The following MYO1B variants were observed in gnomAD, a reference collection of about 807,000 sequenced individuals.
The protein encoded by MYO1B is myosin IB.
MYO1B carries 72 observed loss-of-function variants against 159.7 expected under a neutral mutation model. The ratio of observed to expected loss-of-function variants is 0.45; its 90% CI spans 0.37 to 0.55. The LOEUF (loss-of-function observed/expected upper bound fraction) is 0.55. Ranked by LOEUF, MYO1B falls within the 20% of genes least tolerant of loss-of-function variation. The pLI, the probability that MYO1B is intolerant of heterozygous loss-of-function variation, is 0.00. For synonymous variants in MYO1B, 468 were observed against 473.8 expected, an observed-to-expected ratio of 0.99 and a Z score of 0.16; for missense variants, 1,062 against 1,364.8, an observed-to-expected ratio of 0.78 and a Z score of 3.50.
chr2:191,295,968 C>A, intron 2 of MYO1B, 143 bp from the exon 3 acceptor site: 1 of 376,160 alleles, frequency 2.7e-6, no homozygotes, highest in Non-Finnish European at 4.8e-6. Flanking sequence ...AGATGCAAAG[C>A]ATTCTTAAAA....
At chr2:191,409,539 G>A (rs1410741907) in intron 26 of MYO1B, among the ~76,000 whole-genome samples, 1 of 152,172 alleles carries the variant, frequency 6.6e-6, no homozygotes, top group East Asian at 1.9e-4. Flanking sequence ...GACACCTTCA[G>A]GCAACATAGT....
intron 20 of MYO1B, among the ~76,000 whole-genome samples, chr2:191,395,198 T>C (rs1444377701): frequency 6.6e-6 from 1 of 152,212 alleles, no homozygotes; most frequent in Non-Finnish European, 1.5e-5. Context: ...GATGGTCAGA[T>C]ACTGTAGCTG....
rs1207530548 is a variant in MYO1B, at chr2:191,383,469, TATATACACAC to T, written c.1353+129_1353+138del. 14 of 20,920 alleles carry T rather than the reference TATATACACAC, an allele frequency of 6.7e-4. 1 individual carries two copies. The highest frequency in any genetic ancestry group is 7.4e-3 in the East Asian group (2 of 272). The allele number at this position is 20,920 out of a possible 1,614,324, so 1.3% of individuals were successfully genotyped here. On this transcript the variant is annotated intron_variant, in intron 15 of 30. Coordinates refer to ENST00000392318, the MANE Select transcript of MYO1B (RefSeq NM_001130158.3). ...TTTTTTATATATATATATATATATA[TATATACACAC>T]ACACATATATATGTGTATATATATA...
intron 1 of MYO1B, among the ~76,000 whole-genome samples, chr2:191,261,830 T>TA (rs1686829796): frequency 6.6e-6 from 1 of 152,130 alleles, no homozygotes. Context: ...ACAGTGGACA[T>TA]ATACTCAAAG....
intron 1 of MYO1B, among the ~76,000 whole-genome samples, chr2:191,264,221 A>G (rs1442874198): frequency 6.6e-6 from 1 of 152,176 alleles, no homozygotes; most frequent in Non-Finnish European, 1.5e-5. Context: ...GGAACATCTT[A>G]GCTATTTTTG....
intron 21 of MYO1B, among the ~76,000 whole-genome samples, chr2:191,398,339 G>GGGGCTCCTCACTTCCCAGTA (rs1696315162): frequency 8.1e-6 from 1 of 123,286 alleles, no homozygotes; most frequent in Middle Eastern, 3.6e-3. Context: ...GCCGGGCAGG[G>GGGGCTCCTCACTTCCCAGTA]GGGCTCCTCA....
chr2:191,381,408 T>C lies in MYO1B; in HGVS notation c.1186-54T>C, dbSNP rs138395399. The C allele has an allele frequency of 6.7e-5, 83 of 1,242,180 alleles. No homozygotes were observed. The African/African-American group carries it at 1.1e-3, about 17-fold the overall frequency. 76.9% of individuals were successfully genotyped at this position (1,242,180 alleles called of 1,614,324 possible). A position where few individuals can be genotyped will look rare whatever the true frequency, so the allele number is the denominator to read the frequency against. The stretch of plus-strand genomic sequence containing the variant: ...ATTGAGATGTCTGAGTGTCATTGTT[T>C]TGAGAGAGCTAGTGGCATGGTTTAT... On this transcript the variant is annotated intron_variant, in intron 13 of 30. Coordinates refer to ENST00000392318, the MANE Select transcript of MYO1B (RefSeq NM_001130158.3).
chr2:191,414,818 A>C, intron 29 of MYO1B, 149 bp downstream of exon 29: 1 of 707,806 alleles, frequency 1.4e-6, no homozygotes, highest in Non-Finnish European at 2.1e-6. Context: ...TCTCCGACTC[A>C]GTTTTTCAGT....
At chr2:191,350,696 A>C (rs1263643033) in intron 7 of MYO1B, among the ~76,000 whole-genome samples, 3 of 152,094 alleles carry the variant, frequency 2.0e-5, no homozygotes, top group Admixed American at 2.0e-4. Context: ...CTTCTCTTCC[A>C]GTGTATTTAA....
chr2:191,360,751 G>GTTGTTGT lies in MYO1B; in HGVS notation c.661+23_661+24insTGTTGTT, dbSNP rs1553552026. On this transcript the variant is annotated intron_variant, in intron 8 of 30. Coordinates refer to ENST00000392318, the MANE Select transcript of MYO1B (RefSeq NM_001130158.3). ...CTCAGTAAGTCTCTGTTTCTATGTG[G>GTTGTTGT]TGTTGTTGTTGTTGTTGTTGTTGTT... is the stretch of plus-strand genomic sequence containing the variant. 5.0e-3 allele frequency: 5,563 copies of GTTGTTGT among 1,118,070 alleles called. 39 individuals carry two copies. Among genetic ancestry groups the GTTGTTGT allele is most frequent in the Middle Eastern group, 0.011 (52 of 4,648 alleles). 69.3% of individuals were successfully genotyped at this position (1,118,070 alleles called of 1,614,324 possible).
Position 191,394,754 on chromosome 2 carries a change from A to G in MYO1B, c.2226+1532A>G, listed in dbSNP as rs569660206. Among the ~76,000 whole-genome samples the G allele has an allele frequency of 6.3e-4, 96 of 152,318 alleles. 1 individual carries two copies. Among genetic ancestry groups the G allele is most frequent in the Non-Finnish European group, 1.1e-3 (75 of 68,018 alleles). ...GCAATGCAAAGGAAGCTCAAGTACT[A>G]TTTGTACCTTTTCTCCCAATATAAA... On this transcript the variant is annotated intron_variant, in intron 20 of 30. Coordinates refer to ENST00000392318, the MANE Select transcript of MYO1B (RefSeq NM_001130158.3).
At chr2:191,305,972 C>G (rs767843239) in intron 3 of MYO1B, among the ~76,000 whole-genome samples, 4 of 152,038 alleles carry the variant, frequency 2.6e-5, no homozygotes, top group African/African-American at 9.7e-5. Flanking sequence ...GGGTGCCCAC[C>G]GTGAGCCATG....
intron 3 of MYO1B, among the ~76,000 whole-genome samples, chr2:191,327,683 T>C (rs906264535): frequency 1.8e-4 from 28 of 152,224 alleles, no homozygotes; most frequent in African/African-American, 6.3e-4. Flanking sequence ...CACAAGCAGC[T>C]GTGAAGCTTG....
chr2:191,310,167 A>G lies in MYO1B; in HGVS notation c.251+13941A>G, dbSNP rs189348598. On this transcript the variant is annotated intron_variant, in intron 3 of 30. Coordinates refer to ENST00000392318, the MANE Select transcript of MYO1B (RefSeq NM_001130158.3). ...GAAGTGCAGAAAAATTGGTGGGTTC[A>G]GAAATTCTGAAGATGCCACTTGTGT... Among the ~76,000 whole-genome samples, 104 of 152,346 alleles carry G rather than the reference A, an allele frequency of 6.8e-4. No individual in the cohort carries two copies. In the South Asian group the frequency reaches 0.016, roughly 24 times the overall value.
chr2:191,365,910 G>A (rs767831558), intron 11 of MYO1B, among the ~76,000 whole-genome samples: 3 of 152,298 alleles, frequency 2.0e-5, no homozygotes, highest in Non-Finnish European at 2.9e-5. Context: ...AAACTTGAAC[G>A]TGCATCAAAA....
At chr2:191,322,681 T>C (rs1455944687) in intron 3 of MYO1B, among the ~76,000 whole-genome samples, 1 of 152,186 alleles carries the variant, frequency 6.6e-6, no homozygotes, top group African/African-American at 2.4e-5. Context: ...GATTATTTTC[T>C]GTAACTAGGA....
At chr2:191,361,825 C>T (rs1693690900) in intron 8 of MYO1B, among the ~76,000 whole-genome samples, 1 of 151,846 alleles carries the variant, frequency 6.6e-6, no homozygotes, top group African/African-American at 2.4e-5. Context: ...CAAAATAATT[C>T]AGATATGAAT....
At chr2:191,381,246 A>T (rs906827003) in intron 13 of MYO1B, 1 of 592,806 alleles carries the variant, frequency 1.7e-6, no homozygotes, top group South Asian at 1.9e-5. Context: ...CAAATATTGC[A>T]TCATTTGTGT....
intron 3 of MYO1B, among the ~76,000 whole-genome samples, chr2:191,323,697 G>T (rs1445652983): frequency 1.3e-5 from 2 of 152,070 alleles, no homozygotes; most frequent in African/African-American, 4.8e-5. Context: ...TTATTTTAAA[G>T]CCTGACTTTC....
Sources: gnomAD v4.1 joint callset for allele counts (sites outside exome capture counted in the v4.1 genomes callset) on GRCh38, gnomAD v4.1.1 for gene constraint, MANE v1.5 for transcripts, NCBI Gene and HGNC (gene_info 2026-07-23, HGNC 2026-07-21) for gene names.